Variants in SYNE2 observed in about 807,000 individuals in gnomAD.
SYNE2 encodes nesprin-2.
Under a neutral mutation model 856.3 loss-of-function variants are expected in SYNE2, and 431 were observed. That is an observed-to-expected ratio of 0.50 (90% CI 0.47 to 0.55). The LOEUF (loss-of-function observed/expected upper bound fraction) is 0.55, where lower values mean the gene tolerates loss of function less well. SYNE2 is among the 20% of genes least tolerant of loss of function. The pLI is 0.00. For synonymous variants in SYNE2, 2,923 were observed against 2,872.3 expected (o/e 1.02, Z -0.56); for missense variants, 8,129 against 8,023.2 (o/e 1.01, Z -0.50).
chr14:64,173,274 C>T (rs1426862447), intron 94 of SYNE2, among the ~76,000 whole-genome samples: 2 of 152,190 alleles, frequency 1.3e-5, no homozygotes, highest in Non-Finnish European at 2.9e-5. Context: ...GCTCAAGCAT[C>T]TTGGTGAATA....
chr14:63,980,579 G>C, intron 14 of SYNE2, 75 bp from the exon 15 acceptor site: 1 of 966,132 alleles, frequency 1.0e-6, no homozygotes, highest in East Asian at 2.6e-5. Flanking sequence ...TTGAATGGCT[G>C]TATCTCACTA....
intron 65 of SYNE2, among the ~76,000 whole-genome samples, chr14:64,107,962 T>G (rs2097781898): frequency 2.0e-5 from 3 of 152,156 alleles, no homozygotes; most frequent in Admixed American, 1.3e-4. Flanking sequence ...TAAAAGGCAT[T>G]TATAGTTATC....
In SYNE2 at chr14:64,024,389, T is replaced by C. The variant is rs745330410; in HGVS notation, c.5770T>C (p.Leu1924=). Residue 1924 remains leucine, a synonymous_variant, in exon 39 of 116, where the codon TTA becomes CTA. Transcript: ENST00000555002. ...TTGGCTCGTGGGTCAGGAATTCGAATTAGAAAAAATGGAGTCCATATGCCA... is the reference window on the plus strand; with the variant it reads ...TTGGCTCGTGGGTCAGGAATTCGAACTAGAAAAAATGGAGTCCATATGCCA... ...ISWLVGQEFE[L]EKMESICQAR... 29 of 1,613,978 alleles carry C rather than the reference T, an allele frequency of 1.8e-5. No individual in the cohort carries two copies. Among genetic ancestry groups the C allele is most frequent in the Non-Finnish European group, 2.5e-5 (29 of 1,180,000 alleles).
intron 45 of SYNE2, among the ~76,000 whole-genome samples, chr14:64,042,501 C>A (rs111363558): frequency 1.3e-4 from 20 of 152,304 alleles, no homozygotes; most frequent in African/African-American, 4.3e-4. Flanking sequence ...TGAATTGTAA[C>A]TCCCACAATT....
intron 45 of SYNE2, among the ~76,000 whole-genome samples, chr14:64,032,810 G>A (rs112803890): frequency 1.3e-4 from 20 of 152,308 alleles, no homozygotes; most frequent in African/African-American, 4.3e-4. Flanking sequence ...AGAGGATTAA[G>A]AGATCAGTGA....
chr14:63,916,258 G>T (rs1051116678), intron 2 of SYNE2, among the ~76,000 whole-genome samples: 25 of 152,160 alleles, frequency 1.6e-4, no homozygotes, highest in African/African-American at 5.8e-4. Flanking sequence ...TTTTATGGAG[G>T]TGAAGAATAA....
At chr14:64,217,031 G>A (rs1039521569) in intron 108 of SYNE2, among the ~76,000 whole-genome samples, 1 of 152,166 alleles carries the variant, frequency 6.6e-6, no homozygotes, top group Admixed American at 6.5e-5. Context: ...CAACCTTCAA[G>A]CCTTTGTTAT....
At position 63,960,825 on chromosome 14, in the gene SYNE2, G is replaced by A. The variant is rs752386031; in HGVS notation, c.788-700G>A. The stretch of plus-strand genomic sequence containing the variant: ...CTTGTGAGGCTGAGATTGGAGGACT[G>A]TTTGAGGCCAGGAGTTTGAGACCAG... On this transcript the variant is annotated intron_variant, in intron 8 of 115. Transcript: ENST00000555002. 6 of 756,574 alleles carry A rather than the reference G, an allele frequency of 7.9e-6. No homozygotes were observed. In the South Asian group the frequency reaches 8.2e-5, roughly 10 times the overall value. The allele number at this position is 756,574 out of a possible 1,614,324, so 46.9% of individuals were successfully genotyped here. A position where few individuals can be genotyped will look rare whatever the true frequency, so the allele number is the denominator to read the frequency against.
At chr14:64,197,706 G>T (rs538995687) in intron 99 of SYNE2, among the ~76,000 whole-genome samples, 2 of 152,256 alleles carry the variant, frequency 1.3e-5, no homozygotes, top group South Asian at 4.1e-4. Context: ...GGACTAAATG[G>T]TAAATTATTC....
At chr14:64,219,998 T>C (rs1292435395) in intron 110 of SYNE2, among the ~76,000 whole-genome samples, 1 of 152,238 alleles carries the variant, frequency 6.6e-6, no homozygotes, top group Non-Finnish European at 1.5e-5. Flanking sequence ...GGCAGGGGTT[T>C]TGGAGGATCC....
chr14:63,865,452 T>C (rs1431138217), intron 1 of SYNE2, among the ~76,000 whole-genome samples: 1 of 151,758 alleles, frequency 6.6e-6, no homozygotes, highest in Non-Finnish European at 1.5e-5. Context: ...AGGCCTAGAA[T>C]GATGAGTAGG....
At chr14:64,013,176 G>A (rs114998658) in intron 32 of SYNE2, among the ~76,000 whole-genome samples, 1,924 of 152,164 alleles carry the variant, frequency 0.013, 38 homozygotes, top group African/African-American at 0.044. Flanking sequence ...CTCATCATCC[G>A]GTGGAAGCTT....
In SYNE2 at chr14:64,053,316, A is replaced by T; in HGVS notation, c.9403A>T (p.Lys3135Ter). The change falls in exon 48 of 116, where the codon AAA becomes TAA. Residue 3135 changes from lysine (K) to a stop codon, truncating the protein, a stop_gained. Transcript: ENST00000555002. LOFTEE classifies it high-confidence loss of function. The stretch of plus-strand genomic sequence containing the variant: ...TGCAGAAGAAAATGATAAGTTATAC[A>T]AAGTTCTCCAAAACATGGTATTAGA... ...LNAEENDKLY[K>*]VLQNMVLELS... The T allele has an allele frequency of 6.2e-7, 1 of 1,610,976 alleles. No homozygotes were observed. The highest frequency in any genetic ancestry group is 8.5e-7 in the Non-Finnish European group (1 of 1,179,312).
At chr14:64,170,571 T>A (rs1456417181) in intron 94 of SYNE2, 109 bp downstream of exon 94, 3 of 1,162,960 alleles carry the variant, frequency 2.6e-6, no homozygotes, top group East Asian at 5.1e-5. Context: ...CCAAGTGGGC[T>A]CTCTGCAGTG....
At chr14:63,767,056 T>C (rs1487620933) in intron 1 of SYNE2, among the ~76,000 whole-genome samples, 1 of 151,640 alleles carries the variant, frequency 6.6e-6, no homozygotes, top group East Asian at 1.9e-4. Context: ...AAATTAAATA[T>C]GCCAAAATGG....
chr14:63,763,678 A>G (rs1472295281), intron 1 of SYNE2, among the ~76,000 whole-genome samples: 1 of 152,054 alleles, frequency 6.6e-6, no homozygotes, highest in Non-Finnish European at 1.5e-5. Context: ...AGCAAGACCT[A>G]AAAAAAGACA....
chr14:64,183,025 G>A (rs1211772546), intron 96 of SYNE2, among the ~76,000 whole-genome samples: 2 of 123,764 alleles, frequency 1.6e-5, no homozygotes, highest in Admixed American at 8.3e-5. Flanking sequence ...GGCTGCCCCC[G>A]CCTCCCTCCC....
At chr14:63,791,670 G>A (rs542320641) in intron 1 of SYNE2, among the ~76,000 whole-genome samples, 8 of 152,196 alleles carry the variant, frequency 5.3e-5, no homozygotes, top group African/African-American at 1.9e-4. Flanking sequence ...AAGGCTGGAC[G>A]TGGTGGCTCA....
chr14:64,195,624 T>G (rs1012104591), intron 99 of SYNE2, among the ~76,000 whole-genome samples: 1 of 152,256 alleles, frequency 6.6e-6, no homozygotes, highest in Non-Finnish European at 1.5e-5. Context: ...AATGTTACCG[T>G]TAAACTCAGA....
Sources: gnomAD v4.1 joint callset for allele counts (sites outside exome capture counted in the v4.1 genomes callset) on GRCh38, gnomAD v4.1.1 for gene constraint, MANE v1.5 for transcripts, NCBI Gene and HGNC (gene_info 2026-07-23, HGNC 2026-07-21) for gene names.